ZBTB20: variants seen among roughly 807,000 people sequenced by gnomAD.
ZBTB20 encodes zinc finger and BTB domain containing 20, also known as zinc finger and BTB domain-containing protein 20.
ZBTB20 carries 9 observed loss-of-function variants against 56.9 expected under a neutral mutation model. That is an observed-to-expected ratio of 0.16 (90% CI 0.10 to 0.28). ZBTB20 has a LOEUF of 0.28. ZBTB20 is among the 10% of genes least tolerant of loss of function. The pLI is 1.00. For missense variants in ZBTB20, 655 were observed against 1,003.0 expected (o/e 0.65, Z 4.69); for synonymous variants, 417 against 420.7 (o/e 0.99, Z 0.11).
At chr3:114,655,093 T>A (rs2060322696) in intron 6 of ZBTB20, among the ~76,000 whole-genome samples, 1 of 152,266 alleles carries the variant, frequency 6.6e-6, no homozygotes, top group Non-Finnish European at 1.5e-5. Context: ...TTCAGCCTAA[T>A]ACTCTCTCTT....
At chr3:114,677,926 A>C (rs1203048281) in intron 6 of ZBTB20, among the ~76,000 whole-genome samples, 2 of 152,152 alleles carry the variant, frequency 1.3e-5, no homozygotes, top group Non-Finnish European at 2.9e-5. Context: ...ATTTTTGCCC[A>C]TAAGAAGGTT....
chr3:114,955,607 A>G (rs1487850288), intron 3 of ZBTB20, among the ~76,000 whole-genome samples: 1 of 152,088 alleles, frequency 6.6e-6, no homozygotes, highest in African/African-American at 2.4e-5. Context: ...ATCCACAGAG[A>G]TGTCTTCCAT....
intron 5 of ZBTB20, among the ~76,000 whole-genome samples, chr3:114,713,459 C>T (rs1298622637): frequency 1.3e-5 from 2 of 152,144 alleles, no homozygotes; most frequent in African/African-American, 4.8e-5. Context: ...ACAGAACTAT[C>T]CCAGCCCTAA....
chr3:114,800,222 T>G (rs2108837597), intron 5 of ZBTB20, among the ~76,000 whole-genome samples: 1 of 152,128 alleles, frequency 6.6e-6, no homozygotes, highest in South Asian at 2.1e-4. Flanking sequence ...TGACTTTCCT[T>G]GTAGTATTTC....
chr3:114,327,769 G>T lies in ZBTB20; in HGVS notation c.*11236C>A, dbSNP rs530164534. ...GTAAAGCAAGAACTGAAAGCATACC[G>T]CCTATGCACTCAAAACCACATAGTA... On this transcript the variant is annotated 3_prime_UTR_variant, in exon 12 of 12. Coordinates refer to ENST00000675478, the MANE Select transcript of ZBTB20 (RefSeq NM_001348800.3). 2 of 152,144 alleles carry T rather than the reference G, an allele frequency of 1.3e-5. No homozygotes were observed. The highest frequency in any genetic ancestry group is 2.9e-5 in the Non-Finnish European group (2 of 68,004). 9.4% of individuals were successfully genotyped at this position (152,144 alleles called of 1,614,324 possible).
At chr3:114,437,031 A>G (rs963783430) in intron 7 of ZBTB20, among the ~76,000 whole-genome samples, 2 of 152,162 alleles carry the variant, frequency 1.3e-5, no homozygotes, top group African/African-American at 4.8e-5. Flanking sequence ...CAACTCCAAG[A>G]GAGTTATCTC....
At chr3:114,495,838 AG>A (rs1180952643) in intron 7 of ZBTB20, among the ~76,000 whole-genome samples, 1 of 152,252 alleles carries the variant, frequency 6.6e-6, no homozygotes, top group African/African-American at 2.4e-5. Context: ...ATAAAAGTAC[AG>A]GTGGGGACAT....
At chr3:115,138,856 C>G (rs2084729979) in intron 1 of ZBTB20, among the ~76,000 whole-genome samples, 1 of 152,028 alleles carries the variant, frequency 6.6e-6, no homozygotes, top group Middle Eastern at 3.2e-3. Context: ...TTTCACTGTG[C>G]TTCCCACTAA....
At chr3:114,552,143 G>A (rs962691261) in intron 6 of ZBTB20, among the ~76,000 whole-genome samples, 2 of 152,160 alleles carry the variant, frequency 1.3e-5, no homozygotes, top group Non-Finnish European at 2.9e-5. Context: ...AGCCCAGAAG[G>A]TGGAGGCTGC....
At chr3:114,940,838 C>T (rs2076699095) in intron 3 of ZBTB20, among the ~76,000 whole-genome samples, 1 of 145,866 alleles carries the variant, frequency 6.9e-6, no homozygotes, top group Non-Finnish European at 1.5e-5. Context: ...CTCCTCTACT[C>T]AACAATGAAA....
Position 114,338,874 on chromosome 3 carries a change from GAAACAA to G in ZBTB20, c.*125_*130del. On this transcript the variant is annotated 3_prime_UTR_variant, in exon 12 of 12. Coordinates refer to ENST00000675478, the MANE Select transcript of ZBTB20 (RefSeq NM_001348800.3). ...TTCTTCATGTAGTACAAAATGAAAC[GAAACAA>G]AAACAAAAACAGAAAGTAAAAATGA... 8.7e-7 allele frequency: 1 copy of G among 1,146,438 alleles called. No individual in the cohort carries two copies. The highest frequency in any genetic ancestry group is 1.2e-6 in the Non-Finnish European group (1 of 843,136). 71.0% of individuals were successfully genotyped at this position (1,146,438 alleles called of 1,614,324 possible).
At chr3:114,775,885 A>T (rs1239723941) in intron 5 of ZBTB20, among the ~76,000 whole-genome samples, 1 of 152,158 alleles carries the variant, frequency 6.6e-6, no homozygotes, top group Non-Finnish European at 1.5e-5. Context: ...TGTCTTTAGG[A>T]TTAGGATGGA....
At chr3:114,858,934 A>G (rs994785415) in intron 4 of ZBTB20, among the ~76,000 whole-genome samples, 1 of 152,202 alleles carries the variant, frequency 6.6e-6, no homozygotes, top group Admixed American at 6.5e-5. Context: ...TATTTGAAGT[A>G]TATAAGAAAA....
rs964174475 is a variant in ZBTB20 at position 114,727,988 on chromosome 3, T to C, written c.-342-34413A>G. Among the ~76,000 whole-genome samples, 5 of 151,796 alleles carry C rather than the reference T, an allele frequency of 3.3e-5. No homozygotes were observed. In the East Asian group the frequency reaches 9.6e-4, roughly 29 times the overall value. ...AGCCCAATAATACAGGAAAAAAAAA[T>C]TGGAAAGGAAATAATCTTTCTTGTG... On this transcript the variant is annotated intron_variant, in intron 5 of 11. Transcript: ENST00000675478.
At chr3:115,125,167 C>A (rs899153190) in intron 1 of ZBTB20, among the ~76,000 whole-genome samples, 1 of 151,802 alleles carries the variant, frequency 6.6e-6, no homozygotes, top group Admixed American at 6.6e-5. Context: ...CACAGTAAGA[C>A]CCCACCTCTC....
chr3:114,738,009 T>G (rs2108576679), intron 5 of ZBTB20, among the ~76,000 whole-genome samples: 1 of 152,242 alleles, frequency 6.6e-6, no homozygotes, highest in East Asian at 1.9e-4. Flanking sequence ...TTTCTAGTAA[T>G]GGGTATTTGA....
At chr3:114,478,241 C>T (rs541397701) in intron 7 of ZBTB20, among the ~76,000 whole-genome samples, 16 of 152,344 alleles carry the variant, frequency 1.1e-4, no homozygotes, top group African/African-American at 3.6e-4. Context: ...GCTGGGATTA[C>T]AGGCGTGAGC....
chr3:114,363,450 T>C (rs1027535621), intron 10 of ZBTB20, among the ~76,000 whole-genome samples: 2 of 152,200 alleles, frequency 1.3e-5, no homozygotes, highest in South Asian at 2.1e-4. Context: ...AGATAAAATA[T>C]GTCCTTTGCC....
chr3:114,455,277 G>A (rs147946488), intron 7 of ZBTB20, among the ~76,000 whole-genome samples: 15 of 152,160 alleles, frequency 9.9e-5, no homozygotes, highest in African/African-American at 3.1e-4. Context: ...CAGCAGGCTC[G>A]GCTGAACCAA....
Sources: allele counts gnomAD v4.1 joint callset (sites outside exome capture counted in the v4.1 genomes callset), GRCh38; gene constraint gnomAD v4.1.1; transcripts MANE v1.5; gene names NCBI Gene and HGNC (gene_info 2026-07-23, HGNC 2026-07-21).